Variants in TNS1 observed in about 807,000 individuals in gnomAD.
TNS1 encodes the protein tensin 1.
A neutral mutation model predicts 168.6 loss-of-function variants in TNS1; 62 were observed. That is an observed-to-expected ratio of 0.37 (90% CI 0.30 to 0.45). The LOEUF (loss-of-function observed/expected upper bound fraction) is 0.45. Among genes scored for constraint, TNS1 ranks in the 20% least tolerant of loss-of-function variants. The pLI is 1.00. For missense variants in TNS1, 2,240 were observed against 2,339.4 expected, an observed-to-expected ratio of 0.96 and a Z score of 0.88; for synonymous variants, 934 against 933.2, an observed-to-expected ratio of 1.00 and a Z score of -0.02.
intron 3 of TNS1, among the ~76,000 whole-genome samples, chr2:217,969,989 A>G (rs760367476): frequency 3.3e-5 from 5 of 151,978 alleles, no homozygotes; most frequent in Non-Finnish European, 5.9e-5. Flanking sequence ...ACCATCTATG[A>G]CAGTTCCTGA....
At chr2:217,850,670 A>C in intron 18 of TNS1, 1 of 943,620 alleles carries the variant, frequency 1.1e-6, no homozygotes, top group Middle Eastern at 5.5e-4. Flanking sequence ...CTCCGTTAGC[A>C]AGGAAAAAAG....
chr2:217,966,462 T>C (rs1336163799), intron 3 of TNS1, among the ~76,000 whole-genome samples: 1 of 152,186 alleles, frequency 6.6e-6, no homozygotes, highest in African/African-American at 2.4e-5. Flanking sequence ...CCAGCGAAGC[T>C]GAAGCCAGAA....
rs576446166 is a variant in TNS1 at position 217,895,208 on chromosome 2, A to G, written c.544-152T>C. On this transcript the variant is annotated intron_variant, in intron 8 of 32. Transcript: ENST00000682258. ...CCACGACAGCATCCAGCAGAGCGTC[A>G]ATGTCCTCTCACGGCCAGGGGCCTG... The G allele has an allele frequency of 2.4e-4, 185 of 781,436 alleles. No homozygotes were observed. The Middle Eastern group carries it at 2.5e-3, about 10-fold the overall frequency. 48.4% of individuals were successfully genotyped at this position (781,436 alleles called of 1,614,324 possible).
At chr2:217,895,257 C>T (rs993767515) in intron 8 of TNS1, among the ~76,000 whole-genome samples, 5 of 152,222 alleles carry the variant, frequency 3.3e-5, no homozygotes, top group African/African-American at 1.2e-4. Context: ...CATGAGCTCC[C>T]TGGACCTCCT....
Position 217,880,821 on chromosome 2 carries a change from G to T in TNS1, c.1429+77C>A. 1 of 1,140,764 alleles carries T rather than the reference G, an allele frequency of 8.8e-7. No individual in the cohort carries two copies. The highest frequency in any genetic ancestry group is 1.3e-6 in the Non-Finnish European group (1 of 757,960). The allele number at this position is 1,140,764 out of a possible 1,614,324, so 70.7% of individuals were successfully genotyped here. On this transcript the variant is annotated intron_variant, in intron 18 of 32. Coordinates refer to ENST00000682258, the MANE Select transcript of TNS1 (RefSeq NM_001387777.1). The surrounding 1 kb of genome is among the most constrained non-coding windows in gnomAD (Gnocchi z 4.2). Reference sequence around the variant, plus strand: ...CTCGAACCCAGATCTCTTGAAAGCAGGCCAAGAGAAGCAAGGTCATGTGAG... The same window carrying T: ...CTCGAACCCAGATCTCTTGAAAGCATGCCAAGAGAAGCAAGGTCATGTGAG...
chr2:217,956,602 A>G (rs1250323156), intron 3 of TNS1, among the ~76,000 whole-genome samples: 1 of 152,118 alleles, frequency 6.6e-6, no homozygotes, highest in Admixed American at 6.5e-5. Flanking sequence ...GTAACCTGAC[A>G]AATGTTCTAG....
chr2:218,031,802 G>A (rs1369929122), intron 1 of TNS1, among the ~76,000 whole-genome samples: 2 of 152,184 alleles, frequency 1.3e-5, no homozygotes, highest in African/African-American at 4.8e-5. Flanking sequence ...GAATGCAGGG[G>A]AGGCTGCAGG....
At position 217,910,713 on chromosome 2, in the gene TNS1, TACACACACACAC is replaced by T. The variant is rs10554233; in HGVS notation, c.229-3474_229-3463del. The stretch of plus-strand genomic sequence containing the variant: ...TGTTTCTACAGCTACCACATACACA[TACACACACACAC>T]ACACACACACACACACACACACACA... On this transcript the variant is annotated intron_variant, in intron 4 of 32. Coordinates refer to ENST00000682258, the MANE Select transcript of TNS1 (RefSeq NM_001387777.1). Among the ~76,000 whole-genome samples the T allele has an allele frequency of 7.6e-4, 81 of 106,840 alleles. 1 individual carries two copies. The highest frequency in any genetic ancestry group is 2.0e-3 in the African/African-American group (62 of 31,046). 70.1% of individuals were successfully genotyped at this position (106,840 alleles called of 152,430 possible).
chr2:217,827,732 G>A (rs1185764190), intron 22 of TNS1, among the ~76,000 whole-genome samples: 1 of 152,238 alleles, frequency 6.6e-6, no homozygotes, highest in Non-Finnish European at 1.5e-5. Context: ...ACAACGATGG[G>A]TGTGGCTGAG....
upstream of TNS1, among the ~76,000 whole-genome samples, chr2:218,004,858 C>T (rs1958644209): frequency 6.6e-6 from 1 of 152,258 alleles, no homozygotes; most frequent in Admixed American, 6.5e-5. Context: ...TGGGGCTTCA[C>T]TGACATTTTA....
At chr2:217,830,917 C>G (rs1351418787) in intron 22 of TNS1, among the ~76,000 whole-genome samples, 1 of 152,040 alleles carries the variant, frequency 6.6e-6, no homozygotes, top group Non-Finnish European at 1.5e-5. Context: ...TTCTCTGGGC[C>G]TGAAGAGGCA....
chr2:217,874,577 T>G (rs1424916), intron 18 of TNS1, among the ~76,000 whole-genome samples: 2 of 151,952 alleles, frequency 1.3e-5, no homozygotes, highest in Non-Finnish European at 2.9e-5. Flanking sequence ...AAGAGTGGGG[T>G]TCCCAGAACA....
At chr2:217,985,753 G>C (rs1346413637) in intron 2 of TNS1, among the ~76,000 whole-genome samples, 3 of 152,118 alleles carry the variant, frequency 2.0e-5, no homozygotes, top group Non-Finnish European at 4.4e-5. Context: ...GGAAACTGAG[G>C]CTTAGAGGGG....
Position 217,848,836 on chromosome 2 carries a change from C to G in TNS1, c.1681G>C (p.Glu561Gln), listed in dbSNP as rs1180868911. The change falls in exon 19 of 33, where the codon GAG becomes CAG. Residue 561 changes from glutamate to glutamine, a missense_variant. Glu to Gln is a conservative substitution (Grantham distance 29, BLOSUM62 2). This residue lies in a region of TNS1 where 2,131 missense variants were observed against 2,171.2 expected (regional missense o/e 0.98). Transcript: ENST00000682258. ...AGCAGGCGGTCCAGCTCCCGCTTCT[C>G]CTGGGGACTCAAGGCAGCAGTGGCA... ...SSATAALSPQ[E>Q]KRELDRLLSG... The G allele has an allele frequency of 2.5e-6, 4 of 1,614,062 alleles. No homozygotes were observed. Among genetic ancestry groups the G allele is most frequent in the Non-Finnish European group, 1.7e-6 (2 of 1,180,032 alleles).
chr2:217,981,300 T>C (rs1419954578), intron 2 of TNS1, among the ~76,000 whole-genome samples: 1 of 152,224 alleles, frequency 6.6e-6, no homozygotes, highest in East Asian at 1.9e-4. Context: ...CCAAAATGCA[T>C]GGCTTGGTAG....
chr2:217,921,997 C>T (rs144958295), intron 3 of TNS1, among the ~76,000 whole-genome samples: 2 of 152,306 alleles, frequency 1.3e-5, no homozygotes, highest in South Asian at 2.1e-4. Flanking sequence ...GCTTATCACT[C>T]GTGGCCCCAA....
intron 3 of TNS1, among the ~76,000 whole-genome samples, chr2:217,941,396 G>A (rs1162893365): frequency 6.6e-6 from 1 of 152,258 alleles, no homozygotes; most frequent in Non-Finnish European, 1.5e-5. Context: ...TGGGCCAGGA[G>A]GCATAGGAAG....
At chr2:217,994,844 G>T (rs368033167) in intron 1 of TNS1, among the ~76,000 whole-genome samples, 6 of 152,254 alleles carry the variant, frequency 3.9e-5, no homozygotes, top group Non-Finnish European at 7.3e-5. Context: ...GGACATTCCT[G>T]CCCCTCAGCC....
chr2:217,802,911 A>G lies in TNS1; in HGVS notation c.*1548T>C, dbSNP rs1479640099. 1 of 152,648 alleles carries G rather than the reference A, an allele frequency of 6.6e-6. No homozygotes were observed. The highest frequency in any genetic ancestry group is 1.5e-5 in the Non-Finnish European group (1 of 68,036). 9.5% of individuals were successfully genotyped at this position (152,648 alleles called of 1,614,324 possible). On this transcript the variant is annotated 3_prime_UTR_variant, in exon 33 of 33. Coordinates refer to ENST00000682258, the MANE Select transcript of TNS1 (RefSeq NM_001387777.1). Reference sequence around the variant, plus strand: ...GGGACTCGCATAGGCTTAAGAATGGAGTCCTGGTGAATTTTCCATTCTGGC... The same window carrying G: ...GGGACTCGCATAGGCTTAAGAATGGGGTCCTGGTGAATTTTCCATTCTGGC...
Sources: gnomAD v4.1 joint callset for allele counts (sites outside exome capture counted in the v4.1 genomes callset) on GRCh38, gnomAD v4.1.1 for gene constraint, gnomAD v4.1.1 regional missense constraint, Gnocchi (gnomAD v3.1) non-coding constraint, MANE v1.5 for transcripts, NCBI Gene and HGNC (gene_info 2026-07-23, HGNC 2026-07-21) for gene names.